Variants in CSMD3 observed in about 807,000 individuals in gnomAD.
CSMD3 encodes CUB and Sushi multiple domains 3.
A neutral mutation model predicts 435.2 loss-of-function variants in CSMD3; 177 were observed. That is an observed-to-expected ratio of 0.41 (90% CI 0.36 to 0.46). CSMD3 has a LOEUF of 0.46. Ranked by LOEUF, CSMD3 falls within the 20% of genes least tolerant of loss-of-function variation. The pLI is 0.34. For synonymous variants in CSMD3, 1,656 were observed against 1,520.5 expected (o/e 1.09, Z -2.07); for missense variants, 4,265 against 4,504.6 (o/e 0.95, Z 1.52).
intron 13 of CSMD3, among the ~76,000 whole-genome samples, chr8:112,749,295 GT>G (rs2077512886): frequency 6.6e-6 from 1 of 152,056 alleles, no homozygotes; most frequent in East Asian, 1.9e-4. Flanking sequence ...CAGGTTATCT[GT>G]TTACTCTGTT....
At chr8:112,748,989 C>T (rs1403459831) in intron 13 of CSMD3, among the ~76,000 whole-genome samples, 2 of 152,162 alleles carry the variant, frequency 1.3e-5, no homozygotes, top group Non-Finnish European at 2.9e-5. Flanking sequence ...TCTCCACAAC[C>T]TCACCATCAT....
intron 5 of CSMD3, among the ~76,000 whole-genome samples, chr8:113,052,981 T>C (rs965952572): frequency 6.6e-6 from 1 of 152,204 alleles, no homozygotes; most frequent in Non-Finnish European, 1.5e-5. Flanking sequence ...CTTAAGCTCA[T>C]TTCAAATTAA....
intron 5 of CSMD3, among the ~76,000 whole-genome samples, chr8:113,069,127 A>G (rs1011647319): frequency 6.6e-6 from 1 of 152,126 alleles, no homozygotes; most frequent in East Asian, 1.9e-4. Context: ...AACCACACAA[A>G]TGTTATTAAG....
chr8:113,260,517 C>T (rs1420193628), intron 3 of CSMD3, among the ~76,000 whole-genome samples: 1 of 152,118 alleles, frequency 6.6e-6, no homozygotes, highest in Non-Finnish European at 1.5e-5. Context: ...ATTTCTATGG[C>T]TGTATATTAA....
intron 7 of CSMD3, among the ~76,000 whole-genome samples, chr8:112,974,136 A>C (rs2084760332): frequency 6.6e-6 from 1 of 151,946 alleles, no homozygotes; most frequent in African/African-American, 2.4e-5. Flanking sequence ...CTACCCGGGA[A>C]GTACTCTTGA....
At chr8:112,880,953 T>G (rs2081430914) in intron 10 of CSMD3, among the ~76,000 whole-genome samples, 3 of 152,068 alleles carry the variant, frequency 2.0e-5, no homozygotes, top group East Asian at 1.9e-4. Flanking sequence ...CATATTTATT[T>G]GACAAATACA....
At chr8:113,300,927 C>A (rs1438472580) in intron 2 of CSMD3, among the ~76,000 whole-genome samples, 1 of 151,902 alleles carries the variant, frequency 6.6e-6, no homozygotes, top group Non-Finnish European at 1.5e-5. Context: ...CAGCAATATG[C>A]CACAGCATGG....
chr8:112,985,945 T>C (rs934838798), intron 6 of CSMD3, among the ~76,000 whole-genome samples: 3 of 152,108 alleles, frequency 2.0e-5, no homozygotes, highest in Non-Finnish European at 2.9e-5. Flanking sequence ...AAAGTAAATG[T>C]AATGTGCTTG....
At chr8:112,672,550 AC>A in intron 16 of CSMD3, among the ~76,000 whole-genome samples, 1 of 152,088 alleles carries the variant, frequency 6.6e-6, no homozygotes, top group Non-Finnish European at 1.5e-5. Context: ...TATGTGGACC[AC>A]ACAGGAAATT....
chr8:112,234,498 T>A (rs2129946208), intron 67 of CSMD3, 21 bp from the exon 68 acceptor site: 1 of 1,306,248 alleles, frequency 7.7e-7, no homozygotes, highest in South Asian at 1.2e-5. Flanking sequence ...CAAGGACATT[T>A]TAGTCTACTT....
chr8:112,887,621 T>G (rs1431189530), intron 10 of CSMD3, among the ~76,000 whole-genome samples: 1 of 151,584 alleles, frequency 6.6e-6, no homozygotes, highest in African/African-American at 2.4e-5. Flanking sequence ...ATGCATAAGT[T>G]TTTTCACATT....
chr8:112,395,324 A>G (rs1830770465), intron 35 of CSMD3, among the ~76,000 whole-genome samples: 1 of 152,176 alleles, frequency 6.6e-6, no homozygotes, highest in Admixed American at 6.6e-5. Context: ...TCAATATTAA[A>G]TGAGATAATG....
chr8:112,693,127 TAAAC>T (rs2076174454), intron 13 of CSMD3, among the ~76,000 whole-genome samples: 1 of 152,050 alleles, frequency 6.6e-6, no homozygotes, highest in South Asian at 2.1e-4. Flanking sequence ...CACCAATAAA[TAAAC>T]AGACAAGGAT....
At chr8:112,992,586 G>A (rs2085495844) in intron 6 of CSMD3, among the ~76,000 whole-genome samples, 1 of 151,832 alleles carries the variant, frequency 6.6e-6, no homozygotes, top group African/African-American at 2.4e-5. Context: ...CAGATGTAAA[G>A]GATCTAAGGA....
chr8:112,786,137 G>C (rs2078532185), intron 13 of CSMD3, among the ~76,000 whole-genome samples: 1 of 151,946 alleles, frequency 6.6e-6, no homozygotes, highest in Admixed American at 6.6e-5. Context: ...CATTTGCAAT[G>C]AACTCATTTT....
At chr8:113,018,836 T>C in intron 6 of CSMD3, 1 of 530,650 alleles carries the variant, frequency 1.9e-6, no homozygotes, top group Non-Finnish European at 3.4e-6. Context: ...ACATACTACC[T>C]TTTAGAAATC....
In CSMD3 at chr8:112,638,749, C is replaced by T. The variant is rs756700595; in HGVS notation, c.3473G>A (p.Arg1158His). The T allele has an allele frequency of 1.2e-5, 20 of 1,610,434 alleles. No homozygotes were observed. The highest frequency in any genetic ancestry group is 4.4e-5 in the South Asian group (4 of 90,998). The part of the protein sequence containing the change: ...GLYGNFRAQL[R>H]FISDFSISYE... ...TGATATTGAAAAATCTGAAATGAAACGCAATTGAGCCCTGAAATTTCCATA... is the reference window on the plus strand; with the variant it reads ...TGATATTGAAAAATCTGAAATGAAATGCAATTGAGCCCTGAAATTTCCATA... Residue 1158 changes from arginine to histidine, a missense_variant, in exon 21 of 71, where the codon CGT (arginine) becomes CAT (histidine). Coordinates refer to ENST00000297405, the MANE Select transcript of CSMD3 (RefSeq NM_198123.2).
intron 7 of CSMD3, among the ~76,000 whole-genome samples, chr8:112,963,829 CTG>C (rs2084321635): frequency 6.6e-6 from 1 of 151,974 alleles, no homozygotes; most frequent in Admixed American, 6.6e-5. Context: ...TTAAATCAAA[CTG>C]TATATATTCG....
At chr8:113,298,774 C>T (rs1310825849) in intron 2 of CSMD3, among the ~76,000 whole-genome samples, 6 of 152,018 alleles carry the variant, frequency 3.9e-5, no homozygotes, top group Admixed American at 3.3e-4. Context: ...AAGCAGAGTT[C>T]AAGGTCTGGC....
Sources: gnomAD v4.1 joint callset for allele counts (sites outside exome capture counted in the v4.1 genomes callset) on GRCh38, gnomAD v4.1.1 for gene constraint, MANE v1.5 for transcripts, NCBI Gene and HGNC (gene_info 2026-07-23, HGNC 2026-07-21) for gene names.